The following PALLD variants were observed in gnomAD, a reference collection of about 807,000 sequenced individuals.
PALLD encodes the protein palladin, cytoskeletal associated protein.
In PALLD, 61 loss-of-function variants were observed where a neutral mutation model predicts 123.5. The ratio of observed to expected loss-of-function variants is 0.49; its 90% CI spans 0.40 to 0.61. The LOEUF (loss-of-function observed/expected upper bound fraction) is 0.61, where lower values mean the gene tolerates loss of function less well. Ranked by LOEUF, PALLD falls within the 20% of genes least tolerant of loss-of-function variation. PALLD has a pLI of 0.00. For missense variants in PALLD, 1,273 were observed against 1,377.0 expected (o/e 0.92, Z 1.20); for synonymous variants, 465 against 496.4 (o/e 0.94, Z 0.84).
At chr4:168,886,265 A>G (rs755251934) in intron 10 of PALLD, among the ~76,000 whole-genome samples, 37 of 152,144 alleles carry the variant, frequency 2.4e-4, no homozygotes, top group Non-Finnish European at 2.9e-5. Context: ...TAGGCTTAAC[A>G]GGGTTTGTAT....
At chr4:168,562,750 C>T (rs567659831) in intron 2 of PALLD, among the ~76,000 whole-genome samples, 48 of 152,052 alleles carry the variant, frequency 3.2e-4, no homozygotes, top group Non-Finnish European at 5.9e-4. Context: ...CAGGAGGTGA[C>T]CCTGAAAAGA....
At chr4:168,637,464 T>C (rs906379281) in intron 2 of PALLD, among the ~76,000 whole-genome samples, 5 of 151,456 alleles carry the variant, frequency 3.3e-5, no homozygotes, top group Non-Finnish European at 5.9e-5. Context: ...ATGTTCTTCC[T>C]ATGTCACTCC....
chr4:168,710,750 C>T (rs1242753634), intron 9 of PALLD, among the ~76,000 whole-genome samples: 1 of 152,164 alleles, frequency 6.6e-6, no homozygotes, highest in Non-Finnish European at 1.5e-5. Flanking sequence ...TCAACACTGT[C>T]CCATCAAATG....
chr4:168,871,168 T>C (rs987983100), intron 10 of PALLD, among the ~76,000 whole-genome samples: 3 of 152,218 alleles, frequency 2.0e-5, no homozygotes, highest in Non-Finnish European at 4.4e-5. Context: ...CTGTTTTGGA[T>C]GTATTCAACC....
chr4:168,910,980 A>G (rs1758826525), intron 15 of PALLD, among the ~76,000 whole-genome samples: 1 of 152,204 alleles, frequency 6.6e-6, no homozygotes. Flanking sequence ...ATCTTGATGC[A>G]TGTCCATGCA....
At chr4:168,600,006 TATACATACATGTGTGTACACACAC>T (rs1561290763) in intron 2 of PALLD, among the ~76,000 whole-genome samples, 8 of 129,392 alleles carry the variant, frequency 6.2e-5, no homozygotes, top group Admixed American at 1.5e-4. Flanking sequence ...CACACACGTA[TATACATACATGTGTGTACACACAC>T]ATACATACAT....
chr4:168,713,744 T>C (rs1014729997), intron 10 of PALLD, among the ~76,000 whole-genome samples: 19 of 151,088 alleles, frequency 1.3e-4, no homozygotes, highest in African/African-American at 4.4e-4. Flanking sequence ...AGATAAAATA[T>C]GAATATATAT....
At chr4:168,701,411 G>T (rs1783656923) in intron 8 of PALLD, among the ~76,000 whole-genome samples, 1 of 152,208 alleles carries the variant, frequency 6.6e-6, no homozygotes, top group Non-Finnish European at 1.5e-5. Context: ...AAGGATGGGA[G>T]GATGATAAAA....
chr4:168,602,831 T>G (rs1348484837), intron 2 of PALLD, among the ~76,000 whole-genome samples: 1 of 151,966 alleles, frequency 6.6e-6, no homozygotes, highest in Admixed American at 6.6e-5. Flanking sequence ...AGTGGCATGA[T>G]CATGGCTCAC....
intron 2 of PALLD, among the ~76,000 whole-genome samples, chr4:168,630,443 G>C (rs866911095): frequency 3.9e-5 from 6 of 152,168 alleles, no homozygotes; most frequent in Non-Finnish European, 8.8e-5. Flanking sequence ...TAATAAGGAA[G>C]AAAAAATTCA....
At chr4:168,811,424 CAGT>C (rs1273561673) in intron 10 of PALLD, among the ~76,000 whole-genome samples, 3 of 152,068 alleles carry the variant, frequency 2.0e-5, no homozygotes, top group African/African-American at 7.2e-5. Context: ...TATTTTTAAT[CAGT>C]AGGTATTCAA....
chr4:168,623,313 TA>T (rs1561315688), intron 2 of PALLD, among the ~76,000 whole-genome samples: 1 of 152,226 alleles, frequency 6.6e-6, no homozygotes, highest in Non-Finnish European at 1.5e-5. Context: ...AGTAGTTGTT[TA>T]AGCTACTTTA....
chr4:168,585,194 T>C (rs1053215730), intron 2 of PALLD, among the ~76,000 whole-genome samples: 1 of 152,222 alleles, frequency 6.6e-6, no homozygotes, highest in African/African-American at 2.4e-5. Context: ...CAAAATTTTA[T>C]GACATATTGC....
At chr4:168,576,413 G>T (rs1434940276) in intron 2 of PALLD, among the ~76,000 whole-genome samples, 3 of 151,934 alleles carry the variant, frequency 2.0e-5, no homozygotes, top group Non-Finnish European at 4.4e-5. Context: ...AGGCCCTGGT[G>T]TGTGATGTTC....
At chr4:168,644,967 G>A (rs1004379910) in intron 2 of PALLD, among the ~76,000 whole-genome samples, 1 of 151,988 alleles carries the variant, frequency 6.6e-6, no homozygotes, top group Non-Finnish European at 1.5e-5. Flanking sequence ...CGGGCATGGT[G>A]GTGGGCGCCT....
intron 10 of PALLD, among the ~76,000 whole-genome samples, chr4:168,793,151 G>GCA (rs1737801532): frequency 7.8e-6 from 1 of 128,184 alleles, no homozygotes; most frequent in Non-Finnish European, 1.6e-5. Flanking sequence ...ATATATGTGT[G>GCA]CATATATATA....
At chr4:168,659,553 C>A (rs897309683) in intron 2 of PALLD, among the ~76,000 whole-genome samples, 1 of 152,164 alleles carries the variant, frequency 6.6e-6, no homozygotes, top group Non-Finnish European at 1.5e-5. Flanking sequence ...TTCAACATAA[C>A]CTTGTTTCCC....
At chr4:168,712,075 A>G (rs1047396609) in intron 10 of PALLD, 152 bp downstream of exon 10, 4 of 672,748 alleles carry the variant, frequency 5.9e-6, no homozygotes, top group African/African-American at 3.6e-5. Context: ...TCAACAATAT[A>G]AAAGACACCT....
At chr4:168,835,691 T>G (rs1014341824) in intron 10 of PALLD, among the ~76,000 whole-genome samples, 1 of 140,502 alleles carries the variant, frequency 7.1e-6, no homozygotes. Context: ...ATCCAAAGAG[T>G]TTTTTGTTTG....
Sources: allele counts gnomAD v4.1 joint callset (sites outside exome capture counted in the v4.1 genomes callset), GRCh38; gene constraint gnomAD v4.1.1; transcripts MANE v1.5; gene names NCBI Gene and HGNC (gene_info 2026-07-23, HGNC 2026-07-21).